GALNT18: variants seen among roughly 807,000 people sequenced by gnomAD.
GALNT18 encodes GalNAc-transferase 18.
In GALNT18, 44 loss-of-function variants were observed where a neutral mutation model predicts 69.5. The observed-to-expected ratio is 0.63, with a 90% CI of 0.50 to 0.81. The LOEUF (loss-of-function observed/expected upper bound fraction) is 0.81, where lower values mean the gene tolerates loss of function less well. Among genes scored for constraint, GALNT18 ranks in the 40% least tolerant of loss-of-function variants. The probability of loss-of-function intolerance (pLI) is 0.00; values close to 1 mark genes in which losing one functional copy is unlikely to be tolerated. For synonymous variants in GALNT18, 364 were observed against 318.2 expected (o/e 1.14, Z -1.53); for missense variants, 715 against 810.0 (o/e 0.88, Z 1.42).
chr11:11,359,968 A>G (rs1850607987), intron 6 of GALNT18, among the ~76,000 whole-genome samples: 1 of 152,216 alleles, frequency 6.6e-6, no homozygotes, highest in Non-Finnish European at 1.5e-5. Context: ...ACAATTAATA[A>G]TACACACAAG....
At chr11:11,529,573 G>A (rs950065304) in intron 1 of GALNT18, among the ~76,000 whole-genome samples, 3 of 151,982 alleles carry the variant, frequency 2.0e-5, no homozygotes. Flanking sequence ...TTCAGATCTT[G>A]GGGCTTCTCC....
Position 11,314,378 on chromosome 11 carries a change from G to A in GALNT18, c.1512+12708C>T, listed in dbSNP as rs1027450800. On this transcript the variant is annotated intron_variant, in intron 9 of 10. Coordinates refer to ENST00000227756, the MANE Select transcript of GALNT18 (RefSeq NM_198516.3). The surrounding 1 kb of genome is among the most constrained non-coding windows in gnomAD (Gnocchi z 5.2). Reference sequence around the variant, plus strand: ...TGTGGAATGAATAACAAATCAAGCAGCTCCTTTTTTTTTTTTTAGCATGGA... The same window carrying A: ...TGTGGAATGAATAACAAATCAAGCAACTCCTTTTTTTTTTTTTAGCATGGA... Among the ~76,000 whole-genome samples, 4 of 59,634 alleles carry A rather than the reference G, an allele frequency of 6.7e-5. No individual in the cohort carries two copies. Among genetic ancestry groups the A allele is most frequent in the Non-Finnish European group, 1.0e-4 (3 of 29,338 alleles). 39.1% of individuals were successfully genotyped at this position (59,634 alleles called of 152,430 possible).
chr11:11,281,476 C>A (rs531125680), intron 10 of GALNT18, among the ~76,000 whole-genome samples: 1 of 152,212 alleles, frequency 6.6e-6, no homozygotes, highest in African/African-American at 2.4e-5. Flanking sequence ...GCTGAAGATT[C>A]TGGCTGCTCA....
intron 6 of GALNT18, among the ~76,000 whole-genome samples, chr11:11,351,596 C>T (rs1388408388): frequency 3.3e-5 from 5 of 152,166 alleles, no homozygotes; most frequent in Non-Finnish European, 5.9e-5. Flanking sequence ...AACTCAGAGA[C>T]AGAAGTATTA....
rs529739526 is a variant in GALNT18 at position 11,357,194 on chromosome 11, C to A, written c.1092+15321G>T. ...CTCAGGTTGCTCCGACCTCAAAGAC[C>A]TTGGGAATTTCAGGCCCTACAGTTC... On this transcript the variant is annotated intron_variant, in intron 6 of 10. Transcript: ENST00000227756. Among the ~76,000 whole-genome samples the A allele has an allele frequency of 2.6e-5, 4 of 152,278 alleles. No individual in the cohort carries two copies. In the South Asian group the frequency reaches 8.3e-4, roughly 32 times the overall value.
chr11:11,277,921 T>C (rs934256397), intron 10 of GALNT18, among the ~76,000 whole-genome samples: 5 of 152,156 alleles, frequency 3.3e-5, no homozygotes, highest in African/African-American at 9.7e-5. Flanking sequence ...TTACTTCCAA[T>C]TATGTGGTCA....
chr11:11,397,838 T>C (rs1002523889), intron 3 of GALNT18, among the ~76,000 whole-genome samples: 4 of 152,106 alleles, frequency 2.6e-5, no homozygotes, highest in Non-Finnish European at 5.9e-5. Context: ...TTGCAGTTGA[T>C]TGGGCTCTGT....
chr11:11,293,097 G>C lies in GALNT18; in HGVS notation c.1609C>G (p.Arg537Gly). Residue 537 changes from arginine (R) to glycine (G), a missense_variant, in exon 10 of 11, where the codon CGG becomes GGG. Physicochemically the swap from Arg to Gly is moderately radical, Grantham distance 125 (BLOSUM62 -2). Coordinates refer to ENST00000227756, the MANE Select transcript of GALNT18 (RefSeq NM_198516.3). ...TAGCTGCATTCGATGAGCCGGGGCC[G>C]GCTGTTGACGTCCACCAGGCATCGG... ...DNRCLVDVNS[R>G]PRLIECSYAK... 7.2e-7 allele frequency: 1 copy of C among 1,379,584 alleles called. No homozygotes were observed. The highest frequency in any genetic ancestry group is 9.5e-7 in the Non-Finnish European group (1 of 1,057,688). 85.5% of individuals were successfully genotyped at this position (1,379,584 alleles called of 1,614,324 possible).
chr11:11,322,304 A>G (rs1471380711), intron 9 of GALNT18, among the ~76,000 whole-genome samples: 1 of 152,252 alleles, frequency 6.6e-6, no homozygotes, highest in Admixed American at 6.5e-5. Context: ...CACTGTAAGT[A>G]TAACAGATAC....
At chr11:11,552,248 A>G (rs181436724) in intron 1 of GALNT18, among the ~76,000 whole-genome samples, 265 of 152,254 alleles carry the variant, frequency 1.7e-3, no homozygotes, top group Non-Finnish European at 2.6e-3. Flanking sequence ...GTGGTCACCC[A>G]CCCCTCACCT....
intron 3 of GALNT18, among the ~76,000 whole-genome samples, chr11:11,422,591 G>C (rs1855034855): frequency 6.6e-6 from 1 of 151,730 alleles, no homozygotes; most frequent in Non-Finnish European, 1.5e-5. Context: ...CAATACTGTT[G>C]GACCATTCTT....
At chr11:11,411,257 T>C (rs1285848914) in intron 3 of GALNT18, among the ~76,000 whole-genome samples, 1 of 152,222 alleles carries the variant, frequency 6.6e-6, no homozygotes, top group Non-Finnish European at 1.5e-5. Context: ...TAGGTTGCAG[T>C]GAGCTGTGGT....
chr11:11,428,569 G>A (rs1189235984), intron 3 of GALNT18, among the ~76,000 whole-genome samples: 2 of 152,116 alleles, frequency 1.3e-5, no homozygotes, highest in East Asian at 1.9e-4. Context: ...CTTTATTTTC[G>A]GAGGCAACTC....
At chr11:11,451,124 T>A (rs1855786083) in intron 1 of GALNT18, among the ~76,000 whole-genome samples, 1 of 152,192 alleles carries the variant, frequency 6.6e-6, no homozygotes, top group South Asian at 2.1e-4. Context: ...ATTGTCAGGA[T>A]TGCAGTGGCT....
intron 1 of GALNT18, among the ~76,000 whole-genome samples, chr11:11,455,922 C>G (rs943530828): frequency 6.6e-6 from 1 of 152,100 alleles, no homozygotes; most frequent in African/African-American, 2.4e-5. Flanking sequence ...AACCCCATCT[C>G]TACTAAAAAT....
chr11:11,546,974 T>C lies in GALNT18; in HGVS notation c.235+74385A>G, dbSNP rs1858068512. ...TTGTCATTTTCATCTGATGCCTCTC[T>C]GGGAGGCAGACAGCCTGACCAGACA... is the stretch of plus-strand genomic sequence containing the variant. On this transcript the variant is annotated intron_variant, in intron 1 of 10. Coordinates refer to ENST00000227756, the MANE Select transcript of GALNT18 (RefSeq NM_198516.3). The surrounding 1 kb of genome is among the most constrained non-coding windows in gnomAD (Gnocchi z 5.8). Among the ~76,000 whole-genome samples, 1 of 152,116 alleles carries C rather than the reference T, an allele frequency of 6.6e-6. No homozygotes were observed. The highest frequency in any genetic ancestry group is 1.5e-5 in the Non-Finnish European group (1 of 67,970).
chr11:11,288,815 T>TTCC (rs1354501151), intron 10 of GALNT18, among the ~76,000 whole-genome samples: 4 of 152,068 alleles, frequency 2.6e-5, no homozygotes, highest in Non-Finnish European at 5.9e-5. Flanking sequence ...AAAATCAGGG[T>TTCC]ATGAGATGGA....
chr11:11,311,088 A>G (rs1305999262), intron 9 of GALNT18, among the ~76,000 whole-genome samples: 7 of 152,170 alleles, frequency 4.6e-5, no homozygotes, highest in Non-Finnish European at 1.0e-4. Flanking sequence ...TTGTAGGGAC[A>G]CTGCTGGTGT....
intron 9 of GALNT18, among the ~76,000 whole-genome samples, chr11:11,308,920 G>C (rs4910315): frequency 0.74 from 113,032 of 151,952 alleles, 42,712 homozygotes; most frequent in South Asian, 0.84. Context: ...CCAGCTCTTA[G>C]TGCCCCAAAC....
Sources: allele counts gnomAD v4.1 joint callset (sites outside exome capture counted in the v4.1 genomes callset), GRCh38; gene constraint gnomAD v4.1.1; non-coding constraint Gnocchi (gnomAD v3.1); transcripts MANE v1.5; gene names NCBI Gene and HGNC (gene_info 2026-07-23, HGNC 2026-07-21).